CAPN2: variants seen among roughly 807,000 people sequenced by gnomAD.
CAPN2 encodes the protein calpain 2.
CAPN2 carries 92 observed loss-of-function variants against 102.3 expected under a neutral mutation model. The observed-to-expected ratio is 0.90, with a 90% CI of 0.76 to 1.07. The LOEUF is 1.07. Among genes scored for constraint, CAPN2 ranks in the 50% least tolerant of loss-of-function variants. The probability of loss-of-function intolerance (pLI) is 0.00; values close to 1 mark genes in which losing one functional copy is unlikely to be tolerated. For synonymous variants in CAPN2, 340 were observed against 355.4 expected, an observed-to-expected ratio of 0.96 and a Z score of 0.49; for missense variants, 800 against 909.4, an observed-to-expected ratio of 0.88 and a Z score of 1.55.
At chr1:223,774,173 T>C (rs1346672542) in intron 20 of CAPN2, among the ~76,000 whole-genome samples, 1 of 139,198 alleles carries the variant, frequency 7.2e-6, no homozygotes, top group East Asian at 2.1e-4. Context: ...CACTCCAGGG[T>C]CCACCTGGCC....
At chr1:223,714,621 T>TTA (rs1553252618) in intron 1 of CAPN2, among the ~76,000 whole-genome samples, 2 of 130,954 alleles carry the variant, frequency 1.5e-5, no homozygotes, top group Non-Finnish European at 1.6e-5. Flanking sequence ...TATAAAAAAG[T>TTA]AAAAAAAAAA....
chr1:223,768,771 C>T (rs1661399190), intron 16 of CAPN2, among the ~76,000 whole-genome samples: 1 of 151,200 alleles, frequency 6.6e-6, no homozygotes, highest in African/African-American at 2.4e-5. Flanking sequence ...TGTAAATTAC[C>T]TTGGGCAGTA....
upstream of CAPN2, among the ~76,000 whole-genome samples, chr1:223,708,211 G>A (rs1402281447): frequency 6.6e-6 from 1 of 152,176 alleles, no homozygotes; most frequent in Non-Finnish European, 1.5e-5. Flanking sequence ...CCTTATTCAA[G>A]AGTAAAGAAA....
chr1:223,737,740 A>C (rs1049307986), intron 2 of CAPN2, among the ~76,000 whole-genome samples: 5 of 141,300 alleles, frequency 3.5e-5, no homozygotes, highest in Non-Finnish European at 4.6e-5. Context: ...CAATAACACC[A>C]TGTACTGTAA....
At chr1:223,724,310 C>T (rs1571786118) in intron 2 of CAPN2, among the ~76,000 whole-genome samples, 1 of 152,126 alleles carries the variant, frequency 6.6e-6, no homozygotes, top group East Asian at 1.9e-4. Flanking sequence ...TGTTGGGGTC[C>T]TGGCTAGCAA....
In CAPN2 at chr1:223,756,519, A is replaced by G. The variant is rs1005837532; in HGVS notation, c.1306-850A>G. Among the ~76,000 whole-genome samples the G allele has an allele frequency of 5.3e-5, 8 of 152,156 alleles. No homozygotes were observed. Among genetic ancestry groups the G allele is most frequent in the Admixed American group, 2.0e-4 (3 of 15,278 alleles). ...TGGCAGGGACCTGTTTACACCATGG[A>G]AAGTGGCAAATAGTACAAATCAGAG... On this transcript the variant is annotated intron_variant, in intron 10 of 20. Transcript: ENST00000295006. This position sits in a 1 kb window ranked among gnomAD's most constrained non-coding sequence, Gnocchi z 4.1.
chr1:223,766,380 G>C lies in CAPN2; in HGVS notation c.1704G>C (p.Lys568Asn). Residue 568 changes from lysine to asparagine, a missense_variant, in exon 16 of 21, where the codon AAG (lysine) becomes AAC (asparagine). Physicochemically the swap from Lys to Asn is moderately conservative, Grantham distance 94. Coordinates refer to ENST00000295006, the MANE Select transcript of CAPN2 (RefSeq NM_001748.5). The stretch of plus-strand genomic sequence containing the variant: ...TTTGTCTTTTAGGCCAAGATATCAA[G>C]TCAGATGGCTTCAGCATCGAGACAT... ...RRVLAKRQDI[K>N]SDGFSIETCK... 6.2e-7 allele frequency: 1 copy of C among 1,613,824 alleles called. No homozygotes were observed. Among genetic ancestry groups the C allele is most frequent in the Non-Finnish European group, 8.5e-7 (1 of 1,179,688 alleles).
At chr1:223,768,331 G>C (rs537022571) in intron 16 of CAPN2, among the ~76,000 whole-genome samples, 4 of 150,712 alleles carry the variant, frequency 2.7e-5, no homozygotes, top group Non-Finnish European at 5.9e-5. Context: ...TAGGTCTAAC[G>C]TTTAAGTCTT....
Position 223,721,578 on chromosome 1 carries a change from G to A in CAPN2, c.307+3747G>A, listed in dbSNP as rs552278771. 5.9e-5 allele frequency among the ~76,000 whole-genome samples: 9 copies of A among 152,290 alleles called. No homozygotes were observed. The South Asian group carries it at 1.7e-3, about 28-fold the overall frequency. On this transcript the variant is annotated intron_variant, in intron 2 of 20. Transcript: ENST00000295006. ...TTGTAACCCAGCAAATGTTCCCTGG[G>A]CCCCTCAGAGGTGGGTCAACCTGCC... is the stretch of plus-strand genomic sequence containing the variant.
At chr1:223,751,916 G>A in intron 7 of CAPN2, 81 bp from the exon 8 acceptor site, 1 of 893,844 alleles carries the variant, frequency 1.1e-6, no homozygotes. Flanking sequence ...GGTGAGAGCA[G>A]ATGTCCCTCT....
At chr1:223,720,586 G>T (rs1660026675) in intron 2 of CAPN2, among the ~76,000 whole-genome samples, 1 of 151,938 alleles carries the variant, frequency 6.6e-6, no homozygotes, top group Non-Finnish European at 1.5e-5. Flanking sequence ...CAAAGTGCTG[G>T]GATTACAGGC....
At chr1:223,766,679 G>C (rs1558078366) in intron 16 of CAPN2, among the ~76,000 whole-genome samples, 1 of 152,312 alleles carries the variant, frequency 6.6e-6, no homozygotes, top group Non-Finnish European at 1.5e-5. Flanking sequence ...CAGGCCCATG[G>C]CGGGCGGTGG....
intron 1 of CAPN2, among the ~76,000 whole-genome samples, chr1:223,716,243 G>T (rs1414345466): frequency 1.3e-5 from 2 of 152,214 alleles, no homozygotes; most frequent in African/African-American, 2.4e-5. Context: ...TTCTAGAGAG[G>T]CTGCTAAAGG....
rs776624014 is a variant in CAPN2 at position 223,766,396 on chromosome 1, A to G, written c.1720A>G (p.Ile574Val). Residue 574 changes from isoleucine (I) to valine (V), a missense_variant, in exon 16 of 21, where the codon ATC becomes GTC. Physicochemically the swap from Ile to Val is conservative, Grantham distance 29. Transcript: ENST00000295006. ...AGATATCAAGTCAGATGGCTTCAGC[A>G]TCGAGACATGCAAAATTATGGTTGA... ...RQDIKSDGFS[I>V]ETCKIMVDML... 21 of 1,613,908 alleles carry G rather than the reference A, an allele frequency of 1.3e-5. No individual in the cohort carries two copies. The South Asian group carries it at 2.2e-4, about 17-fold the overall frequency.
Position 223,712,652 on chromosome 1 carries a change from C to G in CAPN2, c.12C>G (p.Ile4Met). Residue 4 changes from isoleucine (I) to methionine (M), a missense_variant, in exon 1 of 21, where the codon ATC (isoleucine) becomes ATG (methionine). Ile to Met is a conservative substitution (Grantham distance 10). Transcript: ENST00000295006. MAG[I>M]AAKLAKDREA... ...GCCGGGACCGCAGCATGGCGGGCAT[C>G]GCGGCCAAGCTGGCGAAGGACCGGG... The G allele has an allele frequency of 6.5e-7, 1 of 1,531,492 alleles. No individual in the cohort carries two copies. Among genetic ancestry groups the G allele is most frequent in the South Asian group, 1.2e-5 (1 of 81,882 alleles). The allele number at this position is 1,531,492 out of a possible 1,614,324, so 94.9% of individuals were successfully genotyped here.
intron 13 of CAPN2, 29 bp downstream of exon 13, chr1:223,761,646 C>G (rs377120648): frequency 6.3e-7 from 1 of 1,596,578 alleles, no homozygotes; most frequent in South Asian, 1.1e-5. Context: ...ATTTCACCCA[C>G]TCTGTCCTGG....
chr1:223,763,827 C>G (rs866414325), intron 14 of CAPN2, among the ~76,000 whole-genome samples: 10 of 152,206 alleles, frequency 6.6e-5, no homozygotes, highest in African/African-American at 2.4e-4. Flanking sequence ...GTAATCCCAG[C>G]ACTTTGGGAG....
chr1:223,709,214 G>T (rs991946269), upstream of CAPN2, among the ~76,000 whole-genome samples: 2 of 152,124 alleles, frequency 1.3e-5, no homozygotes, highest in Non-Finnish European at 2.9e-5. Flanking sequence ...AAAGAGAGAA[G>T]TCTGACCAAA....
intron 1 of CAPN2, among the ~76,000 whole-genome samples, chr1:223,702,221 T>C (rs1659500456): frequency 6.7e-6 from 1 of 150,322 alleles, no homozygotes; most frequent in Non-Finnish European, 1.5e-5. Context: ...AGGTCAGGAG[T>C]TCAAGACCAG....
Sources: gnomAD v4.1 joint callset for allele counts (sites outside exome capture counted in the v4.1 genomes callset) on GRCh38, gnomAD v4.1.1 for gene constraint, Gnocchi (gnomAD v3.1) non-coding constraint, MANE v1.5 for transcripts, NCBI Gene and HGNC (gene_info 2026-07-23, HGNC 2026-07-21) for gene names.